Variants in ESR1 observed in about 807,000 individuals in gnomAD.
ESR1 encodes the protein estrogen receptor 1.
ESR1 carries 12 observed loss-of-function variants against 52.7 expected under a neutral mutation model. The observed-to-expected ratio is 0.23, with a 90% CI of 0.15 to 0.37. The LOEUF (loss-of-function observed/expected upper bound fraction) is 0.37, where lower values mean the gene tolerates loss of function less well. Among genes scored for constraint, ESR1 ranks in the 10% least tolerant of loss-of-function variants. The pLI, the probability that ESR1 is intolerant of heterozygous loss-of-function variation, is 1.00. For synonymous variants in ESR1, 305 were observed against 316.8 expected (o/e 0.96, Z 0.39); for missense variants, 584 against 779.7 (o/e 0.75, Z 2.99).
At chr6:151,844,445 T>A (rs770422569) in intron 2 of ESR1, among the ~76,000 whole-genome samples, 1 of 152,188 alleles carries the variant, frequency 6.6e-6, no homozygotes, top group Non-Finnish European at 1.5e-5. Context: ...TGAGACTGTT[T>A]CCTCATCAGT....
At chr6:152,032,176 C>T (rs1281439121) in intron 5 of ESR1, among the ~76,000 whole-genome samples, 2 of 152,158 alleles carry the variant, frequency 1.3e-5, no homozygotes, top group Admixed American at 1.3e-4. Context: ...AAACCCACAG[C>T]CAATATCATA....
chr6:151,987,505 G>A (rs1355132491), intron 4 of ESR1, among the ~76,000 whole-genome samples: 3 of 151,974 alleles, frequency 2.0e-5, no homozygotes, highest in Non-Finnish European at 2.9e-5. Context: ...GTGATCTGCC[G>A]GGGTCCATTT....
exon 7 of ESR1, chr6:152,127,732 G>A (rs1296450476): frequency 6.6e-6 from 1 of 152,120 alleles, no homozygotes; most frequent in East Asian, 1.9e-4. Context: ...CTCTTTGAAT[G>A]CTTTGAATAA....
At chr6:151,821,737 C>T (rs1780588290) in intron 1 of ESR1, among the ~76,000 whole-genome samples, 1 of 152,182 alleles carries the variant, frequency 6.6e-6, no homozygotes, top group African/African-American at 2.4e-5. Context: ...CTTGATCTAG[C>T]AGCCAGGTTA....
chr6:151,813,314 CAA>C (rs1779110748), intron 1 of ESR1: 1 of 152,022 alleles, frequency 6.6e-6, no homozygotes, highest in South Asian at 2.1e-4. Flanking sequence ...GAAACGTGGG[CAA>C]ATAAGAAAGA....
At chr6:152,050,603 A>G (rs968160739) in intron 5 of ESR1, among the ~76,000 whole-genome samples, 2 of 152,212 alleles carry the variant, frequency 1.3e-5, no homozygotes, top group African/African-American at 4.8e-5. Context: ...ACAGTTAAAG[A>G]ACACTAACAT....
At chr6:151,763,225 A>AT (rs67778362) in intron 2 of ESR1, among the ~76,000 whole-genome samples, 9,715 of 146,624 alleles carry the variant, frequency 0.066, 630 homozygotes, top group East Asian at 0.29. Context: ...ACTGTGTCTG[A>AT]TTTTTTTTTT....
intron 4 of ESR1, among the ~76,000 whole-genome samples, chr6:151,971,005 A>G (rs1276076422): frequency 6.6e-6 from 1 of 152,064 alleles, no homozygotes; most frequent in Non-Finnish European, 1.5e-5. Context: ...GACATGCCTG[A>G]TTTCCTTCAG....
At chr6:151,682,894 T>A in intron 1 of ESR1, among the ~76,000 whole-genome samples, 1 of 152,172 alleles carries the variant, frequency 6.6e-6, no homozygotes, top group Non-Finnish European at 1.5e-5. Flanking sequence ...CTACAAAAAT[T>A]TTATGAAATA....
At chr6:151,754,362 G>T (rs368435583) in intron 2 of ESR1, among the ~76,000 whole-genome samples, 6 of 149,916 alleles carry the variant, frequency 4.0e-5, no homozygotes, top group Non-Finnish European at 7.4e-5. Context: ...GGATAAAAGA[G>T]TGTTTATTTT....
intron 2 of ESR1, among the ~76,000 whole-genome samples, chr6:151,854,646 G>A (rs552676580): frequency 8.5e-5 from 13 of 152,262 alleles, no homozygotes; most frequent in African/African-American, 3.1e-4. Context: ...GTATTAGGAA[G>A]TACAGAGTGA....
rs9341081 is a variant in ESR1 at position 152,102,671 on chromosome 6, G to A, written c.*3705G>A. ...TCCAATTGAATTAAAGTGTGGCCTCGTTTTTAGTCATTTAAAATTGTTTTC... is the reference window on the plus strand; with the variant it reads ...TCCAATTGAATTAAAGTGTGGCCTCATTTTTAGTCATTTAAAATTGTTTTC... On this transcript the variant is annotated 3_prime_UTR_variant, in exon 8 of 8. Coordinates refer to ENST00000206249, the MANE Select transcript of ESR1 (RefSeq NM_000125.4). 1,454 of 219,968 alleles carry A rather than the reference G, an allele frequency of 6.6e-3. 8 individuals carry two copies. The highest frequency in any genetic ancestry group is 0.031 in the Middle Eastern group (22 of 700). The allele number at this position is 219,968 out of a possible 1,614,324, so 13.6% of individuals were successfully genotyped here. A position where few individuals can be genotyped will look rare whatever the true frequency, so the allele number is the denominator to read the frequency against.
chr6:151,833,930 A>G (rs920853720), intron 1 of ESR1, among the ~76,000 whole-genome samples: 3 of 152,202 alleles, frequency 2.0e-5, no homozygotes, highest in Non-Finnish European at 4.4e-5. Context: ...TTATGCAGCC[A>G]ACAAACATAT....
intron 6 of ESR1, chr6:152,122,421 T>C (rs1294293054): frequency 6.2e-7 from 1 of 1,614,084 alleles, no homozygotes; most frequent in South Asian, 1.1e-5. Context: ...CTTCTGCAGA[T>C]GGCATCTGCT....
Position 151,933,462 on chromosome 6 carries a change from A to C in ESR1, c.761-10711A>C, listed in dbSNP as rs569938813. ...ACCCTTTATTTCCTTCTCCTGCCTA[A>C]TTGCCCTGGCCAGAACTTCCAACAC... On this transcript the variant is annotated intron_variant, in intron 3 of 7. Transcript: ENST00000206249. 2.6e-4 allele frequency among the ~76,000 whole-genome samples: 39 copies of C among 150,060 alleles called. No individual in the cohort carries two copies. In the South Asian group the frequency reaches 7.4e-3, roughly 28 times the overall value.
At chr6:151,804,024 A>C (rs1294086486), upstream of ESR1, among the ~76,000 whole-genome samples, 1 of 152,140 alleles carries the variant, frequency 6.6e-6, no homozygotes, top group African/African-American at 2.4e-5. Context: ...TGAGAGAGCC[A>C]GTAAGTCACG....
intron 5 of ESR1, among the ~76,000 whole-genome samples, chr6:152,038,178 C>A (rs1033949814): frequency 6.6e-6 from 1 of 152,152 alleles, no homozygotes; most frequent in Admixed American, 6.5e-5. Flanking sequence ...TGTTTGAGGG[C>A]AGGAAGCATC....
intron 5 of ESR1, among the ~76,000 whole-genome samples, chr6:152,033,176 A>C (rs1159045820): frequency 6.6e-6 from 1 of 152,134 alleles, no homozygotes; most frequent in Non-Finnish European, 1.5e-5. Flanking sequence ...TAGATCAAAA[A>C]CCATAAAAAC....
chr6:152,071,553 A>G (rs1431880781), intron 6 of ESR1, among the ~76,000 whole-genome samples: 1 of 152,248 alleles, frequency 6.6e-6, no homozygotes, highest in Non-Finnish European at 1.5e-5. Flanking sequence ...TATTTTTAAT[A>G]CAAGTTAGCT....
Sources: gnomAD v4.1 joint callset for allele counts (sites outside exome capture counted in the v4.1 genomes callset) on GRCh38, gnomAD v4.1.1 for gene constraint, MANE v1.5 for transcripts, NCBI Gene and HGNC (gene_info 2026-07-23, HGNC 2026-07-21) for gene names.